Variants in PDCD4 observed in about 807,000 individuals in gnomAD.
PDCD4 encodes the protein programmed cell death protein 4.
PDCD4 carries 56 observed loss-of-function variants against 54.0 expected under a neutral mutation model. That is an observed-to-expected ratio of 1.04 (90% CI 0.84 to 1.30). The LOEUF (loss-of-function observed/expected upper bound fraction) is 1.30. Among genes scored for constraint, PDCD4 ranks in the 50% most tolerant of loss-of-function variants. The probability of loss-of-function intolerance (pLI) is 0.00; values close to 1 mark genes in which losing one functional copy is unlikely to be tolerated. For missense variants in PDCD4, 584 were observed against 559.8 expected, an observed-to-expected ratio of 1.04 and a Z score of -0.44; for synonymous variants, 186 against 194.8, an observed-to-expected ratio of 0.95 and a Z score of 0.37.
At chr10:110,897,641 C>G (rs1277121980) in intron 11 of PDCD4, among the ~76,000 whole-genome samples, 2 of 152,114 alleles carry the variant, frequency 1.3e-5, no homozygotes, top group Non-Finnish European at 2.9e-5. Context: ...ATAGGTTGCA[C>G]AGCTCCAGTT....
chr10:110,888,138 A>AT lies in PDCD4; in HGVS notation c.777+265dup, dbSNP rs571497013. ...CTATGATCTGCATAGTTTTTAGGTA[A>AT]TTTTTTTTTTTTTGCCATATATATA... is the stretch of plus-strand genomic sequence containing the variant. On this transcript the variant is annotated intron_variant, in intron 6 of 11. Transcript: ENST00000280154. 5.5e-3 allele frequency among the ~76,000 whole-genome samples: 774 copies of AT among 141,710 alleles called. 7 individuals carry two copies. Among genetic ancestry groups the AT allele is most frequent in the Middle Eastern group, 0.011 (3 of 270 alleles). The allele number at this position is 141,710 out of a possible 152,430, so 93.0% of individuals were successfully genotyped here.
At chr10:110,890,851 TA>T (rs1369954146) in intron 8 of PDCD4, 181 bp downstream of exon 8, 5 of 391,352 alleles carry the variant, frequency 1.3e-5, no homozygotes, top group Admixed American at 8.7e-5. Context: ...ATTATATGAT[TA>T]AAAAATGAGT....
intron 2 of PDCD4, among the ~76,000 whole-genome samples, chr10:110,879,734 G>GA (rs1237179162): frequency 6.6e-6 from 1 of 152,044 alleles, no homozygotes; most frequent in East Asian, 1.9e-4. Flanking sequence ...GCATGCTTGA[G>GA]AAAATCAGTC....
intron 1 of PDCD4, among the ~76,000 whole-genome samples, chr10:110,873,781 T>C (rs910069940): frequency 2.0e-5 from 3 of 152,214 alleles, no homozygotes; most frequent in Non-Finnish European, 4.4e-5. Flanking sequence ...CTGTCAAATA[T>C]GACTTGAGTT....
intron 2 of PDCD4, among the ~76,000 whole-genome samples, chr10:110,877,530 A>G (rs1224332906): frequency 1.3e-5 from 2 of 152,156 alleles, no homozygotes; most frequent in East Asian, 3.8e-4. Flanking sequence ...TTTACTTTTT[A>G]ATGTGGCTAC....
In PDCD4 at chr10:110,882,994, CT is replaced by C; in HGVS notation, c.347-4del. The C allele has an allele frequency of 6.4e-7, 1 of 1,566,806 alleles. No homozygotes were observed. The highest frequency in any genetic ancestry group is 8.7e-7 in the Non-Finnish European group (1 of 1,144,720). On this transcript the variant is annotated splice_region_variant and splice_polypyrimidine_tract_variant and intron_variant, in intron 3 of 11. Coordinates refer to ENST00000280154, the MANE Select transcript of PDCD4 (RefSeq NM_014456.5). Reference sequence around the variant, plus strand: ...GTGTTTTTTCTTTCTCAATGCTAAACTTTTTCAGGTGGTGCAGGAGGCAAAG... The same window carrying C: ...GTGTTTTTTCTTTCTCAATGCTAAACTTTTCAGGTGGTGCAGGAGGCAAAG...
rs892861715 is a variant in PDCD4 at position 110,899,497 on chromosome 10, C to T, written c.*1409C>T. On this transcript the variant is annotated 3_prime_UTR_variant, in exon 12 of 12. Transcript: ENST00000280154. Reference sequence around the variant, plus strand: ...CTGACTACAGAATAGGTGAGGGTTTCTTAAAAATGAGATTTAAGGGCTGGG... The same window carrying T: ...CTGACTACAGAATAGGTGAGGGTTTTTTAAAAATGAGATTTAAGGGCTGGG... The T allele has an allele frequency of 2.6e-5, 4 of 152,082 alleles. No homozygotes were observed. The highest frequency in any genetic ancestry group is 4.8e-5 in the African/African-American group (2 of 41,424). 9.4% of individuals were successfully genotyped at this position (152,082 alleles called of 1,614,324 possible).
chr10:110,878,877 C>T (rs564755212), intron 2 of PDCD4, among the ~76,000 whole-genome samples: 2 of 152,056 alleles, frequency 1.3e-5, no homozygotes, highest in Admixed American at 1.3e-4. Context: ...AGTGTGGAAC[C>T]TGGTATCTAA....
At position 110,894,514 on chromosome 10, in the gene PDCD4, A is replaced by G; in HGVS notation, c.1201A>G (p.Met401Val). 7.5e-7 allele frequency: 1 copy of G among 1,337,832 alleles called. No individual in the cohort carries two copies. Among genetic ancestry groups the G allele is most frequent in the Non-Finnish European group, 1.1e-6 (1 of 934,492 alleles). 82.9% of individuals were successfully genotyped at this position (1,337,832 alleles called of 1,614,324 possible). A position where few individuals can be genotyped will look rare whatever the true frequency, so the allele number is the denominator to read the frequency against. Residue 401 changes from methionine to valine, a missense_variant, in exon 10 of 12, where the codon ATG becomes GTG. By Grantham distance (21) the Met-to-Val change is conservative (BLOSUM62 1). Transcript: ENST00000280154. ...WKSSTITVDQ[M>V]KRGYERIYNE... ...GTCTTCTACCATTACTGTAGACCAA[A>G]TGAAAAGAGTAAGTATAACATTGTT...
At position 110,894,152 on chromosome 10, in the gene PDCD4, T is replaced by G. The variant is rs1324959451; in HGVS notation, c.1052T>G (p.Leu351Arg). Residue 351 changes from leucine (L) to arginine (R), a missense_variant, in exon 9 of 12, where the codon CTT (leucine) becomes CGT (arginine). Leu to Arg is a moderately radical substitution (Grantham distance 102). Transcript: ENST00000280154. Reference sequence around the variant, plus strand: ...GACATATCTGAAGCTGAACATTGCCTTAAGGAACTGGAAGTACCTCATTTT... The same window carrying G: ...GACATATCTGAAGCTGAACATTGCCGTAAGGAACTGGAAGTACCTCATTTT... ...SGDISEAEHC[L>R]KELEVPHFHH... 1 of 1,609,286 alleles carries G rather than the reference T, an allele frequency of 6.2e-7. No homozygotes were observed.
intron 2 of PDCD4, among the ~76,000 whole-genome samples, chr10:110,876,327 C>T (rs1217205728): frequency 1.3e-5 from 2 of 152,114 alleles, no homozygotes; most frequent in Non-Finnish European, 2.9e-5. Flanking sequence ...TGAAGCTTGA[C>T]TATGTTGTGA....
Position 110,885,497 on chromosome 10 carries a change from T to C in PDCD4, c.555+131T>C, listed in dbSNP as rs1264372729. The C allele has an allele frequency of 8.3e-6, 4 of 482,636 alleles. No individual in the cohort carries two copies. In the Admixed American group the frequency reaches 1.2e-4, roughly 14 times the overall value. 29.9% of individuals were successfully genotyped at this position (482,636 alleles called of 1,614,324 possible). On this transcript the variant is annotated intron_variant, in intron 5 of 11. Coordinates refer to ENST00000280154, the MANE Select transcript of PDCD4 (RefSeq NM_014456.5). ...ATTTTCTTTTGCATAAGTGAATTTCTAAGAAATGGAATAAAATCTCATTAC... is the reference window on the plus strand; with the variant it reads ...ATTTTCTTTTGCATAAGTGAATTTCCAAGAAATGGAATAAAATCTCATTAC...
At chr10:110,880,978 G>T (rs376118257) in intron 2 of PDCD4, among the ~76,000 whole-genome samples, 129 of 152,088 alleles carry the variant, frequency 8.5e-4, no homozygotes, top group Middle Eastern at 3.4e-3. Context: ...AAACAAATTT[G>T]GTTTGTTTTT....
At chr10:110,872,537 C>T (rs1845430603) in intron 1 of PDCD4, among the ~76,000 whole-genome samples, 1 of 152,200 alleles carries the variant, frequency 6.6e-6, no homozygotes, top group Non-Finnish European at 1.5e-5. Flanking sequence ...CGGCCCCGGC[C>T]CAGCCCCTTC....
chr10:110,897,788 ACT>A (rs781582332), intron 11 of PDCD4, among the ~76,000 whole-genome samples: 15 of 151,804 alleles, frequency 9.9e-5, no homozygotes, highest in South Asian at 2.1e-4. Flanking sequence ...TTTTAATGTG[ACT>A]CTGTTTGGAT....
At position 110,875,969 on chromosome 10, in the gene PDCD4, C is replaced by T; in HGVS notation, c.-59C>T. The T allele has an allele frequency of 7.7e-7, 1 of 1,306,764 alleles. No homozygotes were observed. 80.9% of individuals were successfully genotyped at this position (1,306,764 alleles called of 1,614,324 possible). ...TTTTTTTCTTTTAAAAAAACAGATTCTGAAGGAAGATTTCCATTAGGTAAT... is the reference window on the plus strand; with the variant it reads ...TTTTTTTCTTTTAAAAAAACAGATTTTGAAGGAAGATTTCCATTAGGTAAT... On this transcript the variant is annotated 5_prime_UTR_variant, in exon 2 of 12. Coordinates refer to ENST00000280154, the MANE Select transcript of PDCD4 (RefSeq NM_014456.5).
chr10:110,881,207 T>G, intron 2 of PDCD4, 26 bp from the exon 3 acceptor site: 1 of 1,562,744 alleles, frequency 6.4e-7, no homozygotes, highest in Non-Finnish European at 8.7e-7. Context: ...ATACTTAGAA[T>G]TTTTTTCTTC....
chr10:110,877,089 GA>G (rs1402235156), intron 2 of PDCD4, among the ~76,000 whole-genome samples: 3 of 152,008 alleles, frequency 2.0e-5, no homozygotes, highest in South Asian at 2.1e-4. Flanking sequence ...GTAAAAAATT[GA>G]AAAAAATTTA....
chr10:110,875,657 A>G (rs1357515072), intron 1 of PDCD4, among the ~76,000 whole-genome samples: 1 of 152,074 alleles, frequency 6.6e-6, no homozygotes, highest in Non-Finnish European at 1.5e-5. Context: ...GGATGTGTGT[A>G]TTTCTTTAAC....
Sources: gnomAD v4.1 joint callset for allele counts (sites outside exome capture counted in the v4.1 genomes callset) on GRCh38, gnomAD v4.1.1 for gene constraint, MANE v1.5 for transcripts, NCBI Gene and HGNC (gene_info 2026-07-23, HGNC 2026-07-21) for gene names.